The following THSD7B variants were observed in gnomAD, a reference collection of about 807,000 sequenced individuals.
THSD7B encodes thrombospondin type 1 domain containing 7B.
A neutral mutation model predicts 213.6 loss-of-function variants in THSD7B; 138 were observed. That is an observed-to-expected ratio of 0.65 (90% CI 0.56 to 0.74). The LOEUF (loss-of-function observed/expected upper bound fraction) is 0.74. THSD7B is among the 30% of genes least tolerant of loss of function. The pLI is 0.00. For missense variants in THSD7B, 1,931 were observed against 1,991.5 expected (o/e 0.97, Z 0.58); for synonymous variants, 742 against 687.0 (o/e 1.08, Z -1.25).
chr2:137,273,486 C>A (rs1246287376), intron 11 of THSD7B, among the ~76,000 whole-genome samples: 1 of 152,016 alleles, frequency 6.6e-6, no homozygotes, highest in African/African-American at 2.4e-5. Context: ...AATCCATGGT[C>A]TTAAAAATAA....
chr2:137,525,939 C>A (rs149476606), intron 15 of THSD7B, among the ~76,000 whole-genome samples: 3 of 152,260 alleles, frequency 2.0e-5, no homozygotes, highest in African/African-American at 7.2e-5. Flanking sequence ...CAGCCAGCCC[C>A]TTTCCTCCTT....
intron 14 of THSD7B, among the ~76,000 whole-genome samples, chr2:137,419,821 TG>T (rs771113372): frequency 1.3e-5 from 2 of 152,018 alleles, no homozygotes; most frequent in Admixed American, 6.5e-5. Context: ...AGGATTTGTC[TG>T]CCTCCTGTCA....
intron 4 of THSD7B, among the ~76,000 whole-genome samples, chr2:137,103,445 A>G (rs1324856255): frequency 2.0e-5 from 3 of 152,222 alleles, no homozygotes; most frequent in Non-Finnish European, 4.4e-5. Context: ...AGTTGTAAAG[A>G]CCATTGACAC....
chr2:137,600,608 C>G (rs758289848), intron 17 of THSD7B, among the ~76,000 whole-genome samples: 2 of 152,100 alleles, frequency 1.3e-5, no homozygotes, highest in Non-Finnish European at 2.9e-5. Flanking sequence ...TGTAGTGGCA[C>G]ACGCCTGTAG....
chr2:137,366,270 T>C (rs72977642), intron 12 of THSD7B, among the ~76,000 whole-genome samples: 3,243 of 152,122 alleles, frequency 0.021, 134 homozygotes, highest in African/African-American at 0.075. Context: ...TGGGATAGCA[T>C]TGGGAGAAAT....
chr2:137,411,227 G>C (rs1686643854), intron 13 of THSD7B, among the ~76,000 whole-genome samples: 2 of 152,238 alleles, frequency 1.3e-5, no homozygotes, highest in Admixed American at 1.3e-4. Context: ...TAACCACTTA[G>C]ATGCTTTCAT....
At chr2:137,670,817 A>T (rs1339567614) in intron 27 of THSD7B, among the ~76,000 whole-genome samples, 1 of 150,444 alleles carries the variant, frequency 6.6e-6, no homozygotes, top group African/African-American at 2.5e-5. Context: ...GCTACTCCGG[A>T]GGCTGAGGCA....
chr2:137,558,939 A>T (rs544193417), intron 15 of THSD7B, among the ~76,000 whole-genome samples: 1 of 152,184 alleles, frequency 6.6e-6, no homozygotes, highest in Non-Finnish European at 1.5e-5. Context: ...CAGAGAGCCA[A>T]ATCATGAGTG....
At chr2:136,832,782 T>C (rs1414028401) in intron 1 of THSD7B, among the ~76,000 whole-genome samples, 1 of 152,204 alleles carries the variant, frequency 6.6e-6, no homozygotes, top group Non-Finnish European at 1.5e-5. Flanking sequence ...CCCCATTTTA[T>C]AGTTAAGACA....
intron 3 of THSD7B, among the ~76,000 whole-genome samples, chr2:137,081,981 A>G (rs1217973671): frequency 2.0e-5 from 3 of 151,928 alleles, no homozygotes; most frequent in Non-Finnish European, 1.5e-5. Flanking sequence ...TCTTTACTGC[A>G]TTATCTCTAA....
intron 2 of THSD7B, among the ~76,000 whole-genome samples, chr2:136,962,010 T>TGG (rs1413237532): frequency 2.0e-5 from 3 of 152,280 alleles, no homozygotes; most frequent in African/African-American, 7.2e-5. Context: ...GACCCTGAGA[T>TGG]GGGGAGATTA....
At chr2:137,507,273 C>G (rs1679857789) in intron 15 of THSD7B, among the ~76,000 whole-genome samples, 1 of 152,182 alleles carries the variant, frequency 6.6e-6, no homozygotes, top group Non-Finnish European at 1.5e-5. Context: ...AATACAAAGT[C>G]AAAGAATTGC....
At chr2:137,252,739 C>T (rs1384525952) in intron 10 of THSD7B, among the ~76,000 whole-genome samples, 1 of 152,086 alleles carries the variant, frequency 6.6e-6, no homozygotes, top group African/African-American at 2.4e-5. Flanking sequence ...AGCATCCCTC[C>T]GGAGAGGGCT....
Position 137,668,717 on chromosome 2 carries a change from C to G in THSD7B, c.4739+856C>G, listed in dbSNP as rs1481947315. On this transcript the variant is annotated intron_variant, in intron 27 of 27. Coordinates refer to ENST00000409968, the MANE Select transcript of THSD7B (RefSeq NM_001316349.2). ...TCAGAAGCCTTACCAATAACATAGT[C>G]AAATAACGCATATTTTGTATATGAA... Among the ~76,000 whole-genome samples the G allele has an allele frequency of 2.0e-5, 3 of 151,896 alleles. No homozygotes were observed. The East Asian group carries it at 5.8e-4, about 29-fold the overall frequency.
intron 10 of THSD7B, among the ~76,000 whole-genome samples, chr2:137,268,237 T>C (rs1682645694): frequency 6.6e-6 from 1 of 152,090 alleles, no homozygotes; most frequent in African/African-American, 2.4e-5. Context: ...ATGTGCCATG[T>C]TGGTTTGCTG....
chr2:137,249,108 G>A (rs933359456), intron 10 of THSD7B, among the ~76,000 whole-genome samples: 12 of 152,094 alleles, frequency 7.9e-5, no homozygotes, highest in African/African-American at 2.9e-4. Context: ...GGCTTGTAGA[G>A]ATTATAGTTT....
At position 137,485,672 on chromosome 2, in the gene THSD7B, G is replaced by C. The variant is rs1414037653; in HGVS notation, c.3138+34649G>C. 5.9e-5 allele frequency among the ~76,000 whole-genome samples: 9 copies of C among 152,078 alleles called. No homozygotes were observed. In the East Asian group the frequency reaches 1.5e-3, roughly 26 times the overall value. On this transcript the variant is annotated intron_variant, in intron 15 of 27. Coordinates refer to ENST00000409968, the MANE Select transcript of THSD7B (RefSeq NM_001316349.2). ...ATGCCACAAAGATACTCCTCGAGAA[G>C]TGCACCAAGACACATAATTGTCAGA...
intron 2 of THSD7B, among the ~76,000 whole-genome samples, chr2:137,033,465 A>T (rs191700681): frequency 1.3e-5 from 2 of 152,286 alleles, no homozygotes; most frequent in Admixed American, 1.3e-4. Flanking sequence ...AAGGTAAGTA[A>T]AGAGATTGTC....
At chr2:136,898,391 T>G (rs1407545674) in intron 2 of THSD7B, among the ~76,000 whole-genome samples, 1 of 152,168 alleles carries the variant, frequency 6.6e-6, no homozygotes, top group Non-Finnish European at 1.5e-5. Context: ...CTGAGTGCAG[T>G]GAACTCCTGA....
Sources: allele counts gnomAD v4.1 joint callset (sites outside exome capture counted in the v4.1 genomes callset), GRCh38; gene constraint gnomAD v4.1.1; transcripts MANE v1.5; gene names NCBI Gene and HGNC (gene_info 2026-07-23, HGNC 2026-07-21).